Variants in RAB33B observed in about 807,000 individuals in gnomAD.
The protein encoded by RAB33B is RAB33B, member RAS oncogene family.
Under a neutral mutation model 15.0 loss-of-function variants are expected in RAB33B, and 6 were observed. That is an observed-to-expected ratio of 0.40 (90% CI 0.22 to 0.79). The LOEUF is 0.79. RAB33B is among the 30% of genes least tolerant of loss of function. The pLI, the probability that RAB33B is intolerant of heterozygous loss-of-function variation, is 0.37. For missense variants in RAB33B, 257 were observed against 296.4 expected (o/e 0.87, Z 0.98); for synonymous variants, 117 against 108.3 (o/e 1.08, Z -0.50).
chr4:139,443,763 C>T, the RAB33B span, among the ~76,000 whole-genome samples: 1 of 152,106 alleles, frequency 6.6e-6, no homozygotes, highest in South Asian at 2.1e-4. Flanking sequence ...AAACAGCTTC[C>T]CCATCCCGGG....
intron 1 of RAB33B, among the ~76,000 whole-genome samples, chr4:139,456,339 G>C (rs1750067659): frequency 6.6e-6 from 1 of 152,182 alleles, no homozygotes; most frequent in African/African-American, 2.4e-5. Flanking sequence ...GAATGAGGGT[G>C]GGGGAGGAGT....
the RAB33B span, among the ~76,000 whole-genome samples, chr4:139,442,116 A>G: frequency 1.3e-5 from 2 of 151,980 alleles, no homozygotes; most frequent in Non-Finnish European, 2.9e-5. Flanking sequence ...ATTTCCTTTT[A>G]TCTTTTTATC....
At chr4:139,470,101 G>A (rs539276018) in intron 1 of RAB33B, among the ~76,000 whole-genome samples, 1 of 152,362 alleles carries the variant, frequency 6.6e-6, no homozygotes, top group South Asian at 2.1e-4. Context: ...TCAGCAGGTG[G>A]CAAAGCCAGC....
At chr4:139,466,584 C>A (rs541256319) in intron 1 of RAB33B, among the ~76,000 whole-genome samples, 11 of 144,104 alleles carry the variant, frequency 7.6e-5, no homozygotes, top group Admixed American at 6.2e-4. Context: ...TTTCTTTTTT[C>A]TTTTTTTTTT....
chr4:139,440,086 T>TC, the RAB33B span, among the ~76,000 whole-genome samples: 3 of 152,238 alleles, frequency 2.0e-5, no homozygotes, highest in Non-Finnish European at 2.9e-5. Context: ...TTCTTCCTCT[T>TC]CTCCAGGGTT....
chr4:139,471,248 A>G (rs1167315106), intron 1 of RAB33B, among the ~76,000 whole-genome samples: 1 of 152,124 alleles, frequency 6.6e-6, no homozygotes, highest in African/African-American at 2.4e-5. Context: ...GGCTGGGTTA[A>G]GTGTTCCCTC....
rs553301536 is a variant in RAB33B, at chr4:139,460,095, A to G, written c.249+5651A>G. 2.0e-5 allele frequency among the ~76,000 whole-genome samples: 3 copies of G among 152,342 alleles called. No individual in the cohort carries two copies. The East Asian group carries it at 5.8e-4, about 29-fold the overall frequency. Reference sequence around the variant, plus strand: ...TTTTGAAGATAAAGCCAAAGTCTTCAGTAACTGGCTGTTGGTGATGAGAAA... The same window carrying G: ...TTTTGAAGATAAAGCCAAAGTCTTCGGTAACTGGCTGTTGGTGATGAGAAA... On this transcript the variant is annotated intron_variant, in intron 1 of 1. Coordinates refer to ENST00000305626, the MANE Select transcript of RAB33B (RefSeq NM_031296.3).
chr4:139,446,792 T>A, the RAB33B span, among the ~76,000 whole-genome samples: 1 of 152,158 alleles, frequency 6.6e-6, no homozygotes, highest in South Asian at 2.1e-4. Flanking sequence ...CTCGGGAACA[T>A]GGACTTCCAC....
intron 1 of RAB33B, among the ~76,000 whole-genome samples, chr4:139,464,777 A>C (rs909830795): frequency 2.6e-5 from 4 of 152,118 alleles, no homozygotes; most frequent in Non-Finnish European, 2.9e-5. Flanking sequence ...TTTTCTTAAT[A>C]CAGTCTATCA....
chr4:139,459,640 T>C (rs1385916761), intron 1 of RAB33B, among the ~76,000 whole-genome samples: 1 of 151,810 alleles, frequency 6.6e-6, no homozygotes, highest in Non-Finnish European at 1.5e-5. Context: ...TCTTTTTTTT[T>C]TTTTTTCTTT....
chr4:139,464,484 G>T (rs1388933841), intron 1 of RAB33B, among the ~76,000 whole-genome samples: 2 of 144,912 alleles, frequency 1.4e-5, no homozygotes. Context: ...TTGGTGTGCT[G>T]CACCCATTAA....
At chr4:139,467,931 A>G (rs1194157572) in intron 1 of RAB33B, among the ~76,000 whole-genome samples, 2 of 149,372 alleles carry the variant, frequency 1.3e-5, no homozygotes, top group Non-Finnish European at 3.0e-5. Context: ...CCTATTGCCT[A>G]TCAAATAGTA....
Position 139,459,614 on chromosome 4 carries a change from C to T in RAB33B, c.249+5170C>T, listed in dbSNP as rs924817322. On this transcript the variant is annotated intron_variant, in intron 1 of 1. Transcript: ENST00000305626. Reference sequence around the variant, plus strand: ...GTCTGGTAATTCCATAGACTTCTTTCAGTGTCTAGTTCAGTTCTTTTTTTT... The same window carrying T: ...GTCTGGTAATTCCATAGACTTCTTTTAGTGTCTAGTTCAGTTCTTTTTTTT... 2.4e-4 allele frequency among the ~76,000 whole-genome samples: 36 copies of T among 150,248 alleles called. 2 individuals carry two copies. Among genetic ancestry groups the T allele is most frequent in the Admixed American group, 2.1e-3 (32 of 15,088 alleles).
chr4:139,469,068 T>A (rs1002201040), intron 1 of RAB33B, among the ~76,000 whole-genome samples: 12 of 152,200 alleles, frequency 7.9e-5, no homozygotes, highest in Admixed American at 3.9e-4. Flanking sequence ...TTTGGTGTTC[T>A]ATAACTTTCT....
chr4:139,453,159 T>C (rs866738506), upstream of RAB33B: 6 of 152,160 alleles, frequency 3.9e-5, no homozygotes, highest in African/African-American at 1.4e-4. Flanking sequence ...AACTAGGGCA[T>C]AATGAGTTTT....
intron 1 of RAB33B, among the ~76,000 whole-genome samples, chr4:139,468,783 A>G (rs1288993743): frequency 1.3e-5 from 2 of 152,188 alleles, no homozygotes; most frequent in African/African-American, 2.4e-5. Context: ...TGTTGGGGAA[A>G]GTCTTTATTT....
chr4:139,449,984 A>G (rs1285751242), upstream of RAB33B: 1 of 152,184 alleles, frequency 6.6e-6, no homozygotes, highest in African/African-American at 2.4e-5. Flanking sequence ...GAATTCTTGA[A>G]GTCCAGGCCA....
intron 1 of RAB33B, among the ~76,000 whole-genome samples, chr4:139,468,652 T>G (rs1387785942): frequency 2.6e-5 from 4 of 152,200 alleles, no homozygotes; most frequent in African/African-American, 9.6e-5. Context: ...TTATTACCAG[T>G]GAATTTTGTA....
chr4:139,451,746 C>G (rs1749929875), upstream of RAB33B: 1 of 152,028 alleles, frequency 6.6e-6, no homozygotes. Context: ...CTTATCTTAC[C>G]CTAAGCCATT....
Sources: allele counts gnomAD v4.1 joint callset (sites outside exome capture counted in the v4.1 genomes callset), GRCh38; gene constraint gnomAD v4.1.1; transcripts MANE v1.5; gene names NCBI Gene and HGNC (gene_info 2026-07-23, HGNC 2026-07-21).